DNER: variants seen among roughly 807,000 people sequenced by gnomAD.
The protein encoded by DNER is delta/notch like EGF repeat containing, also known as delta and Notch-like epidermal growth factor-related receptor.
A neutral mutation model predicts 78.2 loss-of-function variants in DNER; 33 were observed. The observed-to-expected ratio is 0.42, with a 90% CI of 0.32 to 0.56. The LOEUF is 0.56. Ranked by LOEUF, DNER falls within the 20% of genes least tolerant of loss-of-function variation. The pLI is 0.11. For synonymous variants in DNER, 417 were observed against 384.8 expected (o/e 1.08, Z -0.98); for missense variants, 918 against 975.3 (o/e 0.94, Z 0.78).
chr2:229,544,187 C>A (rs1217508777), intron 5 of DNER, among the ~76,000 whole-genome samples: 1 of 152,084 alleles, frequency 6.6e-6, no homozygotes, highest in Non-Finnish European at 1.5e-5. Flanking sequence ...ATTTTTTTCC[C>A]ATAAAGTATG....
At position 229,699,508 on chromosome 2, in the gene DNER, C is replaced by G. The variant is rs28545672; in HGVS notation, c.276+14640G>C. The stretch of plus-strand genomic sequence containing the variant: ...AGCCTCCCAAGTAGCTGGGACTATA[C>G]GCATGCACTGCCATACCGGCTAATT... On this transcript the variant is annotated intron_variant, in intron 1 of 12. Transcript: ENST00000341772. Among the ~76,000 whole-genome samples the G allele has an allele frequency of 8.0e-3, 1,211 of 152,058 alleles. 18 individuals carry two copies. Among genetic ancestry groups the G allele is most frequent in the African/African-American group, 0.028 (1,145 of 41,488 alleles).
chr2:229,561,113 G>T (rs560399517), intron 4 of DNER, among the ~76,000 whole-genome samples: 1 of 152,220 alleles, frequency 6.6e-6, no homozygotes, highest in African/African-American at 2.4e-5. Flanking sequence ...TTGCTTTTTG[G>T]AAAATTCACC....
chr2:229,450,283 T>C (rs1167946244), intron 7 of DNER, among the ~76,000 whole-genome samples: 2 of 152,090 alleles, frequency 1.3e-5, no homozygotes, highest in Admixed American at 6.6e-5. Context: ...GGAAAGAATA[T>C]CTAGGGAGGG....
intron 6 of DNER, among the ~76,000 whole-genome samples, chr2:229,510,469 G>A (rs922491338): frequency 6.6e-6 from 1 of 152,190 alleles, no homozygotes; most frequent in Non-Finnish European, 1.5e-5. Flanking sequence ...ACAGGCAAGG[G>A]GCAAAGGCCA....
intron 8 of DNER, among the ~76,000 whole-genome samples, chr2:229,444,541 A>C (rs1040367825): frequency 3.9e-5 from 6 of 152,226 alleles, no homozygotes; most frequent in Non-Finnish European, 8.8e-5. Context: ...ATTAAAAAAC[A>C]CTATTTATCT....
At position 229,630,613 on chromosome 2, in the gene DNER, T is replaced by C. The variant is rs548232781; in HGVS notation, c.277-38725A>G. On this transcript the variant is annotated intron_variant, in intron 1 of 12. Coordinates refer to ENST00000341772, the MANE Select transcript of DNER (RefSeq NM_139072.4). The stretch of plus-strand genomic sequence containing the variant: ...TATATATTTGGACAGAGGCTTTTTA[T>C]TGACAGCATCTCATTTTCTTTTTTA... Among the ~76,000 whole-genome samples, 8 of 152,166 alleles carry C rather than the reference T, an allele frequency of 5.3e-5. No homozygotes were observed. In the South Asian group the frequency reaches 1.7e-3, roughly 32 times the overall value.
intron 5 of DNER, among the ~76,000 whole-genome samples, chr2:229,518,571 G>T (rs958214982): frequency 1.6e-4 from 25 of 152,314 alleles, no homozygotes; most frequent in African/African-American, 5.5e-4. Flanking sequence ...TTGAAGAATT[G>T]CACATAGGTG....
intron 5 of DNER, among the ~76,000 whole-genome samples, chr2:229,516,785 TAA>T (rs796603043): frequency 4.8e-5 from 4 of 83,868 alleles, no homozygotes; most frequent in Non-Finnish European, 8.5e-5. Flanking sequence ...ACGCTGTCTC[TAA>T]AAAAAAAAAA....
intron 1 of DNER, among the ~76,000 whole-genome samples, chr2:229,681,150 C>A (rs1699381433): frequency 6.6e-6 from 1 of 152,156 alleles, no homozygotes; most frequent in Non-Finnish European, 1.5e-5. Context: ...ATGGCCAATA[C>A]CAACATGATA....
chr2:229,625,039 AT>A (rs1302595995), intron 1 of DNER, among the ~76,000 whole-genome samples: 1 of 152,054 alleles, frequency 6.6e-6, no homozygotes, highest in African/African-American at 2.4e-5. Flanking sequence ...ATTTCATTTT[AT>A]TATTTTGTTT....
At chr2:229,541,582 A>G (rs1045609741) in intron 5 of DNER, among the ~76,000 whole-genome samples, 1 of 152,162 alleles carries the variant, frequency 6.6e-6, no homozygotes, top group African/African-American at 2.4e-5. Flanking sequence ...AAAAAATTGT[A>G]TCCTCCAGCA....
chr2:229,541,552 T>G (rs1293280428), intron 5 of DNER, among the ~76,000 whole-genome samples: 2 of 152,170 alleles, frequency 1.3e-5, no homozygotes, highest in African/African-American at 4.8e-5. Flanking sequence ...GGTCTGATTA[T>G]TCACTCATAC....
intron 10 of DNER, 27 bp from the exon 11 acceptor site, chr2:229,388,423 G>A (rs1166977109): frequency 1.3e-6 from 2 of 1,592,994 alleles, no homozygotes; most frequent in East Asian, 2.3e-5. Flanking sequence ...AAGCAGTGGT[G>A]AAACCGCTGC....
chr2:229,397,865 C>A (rs2106340249), intron 10 of DNER, among the ~76,000 whole-genome samples: 1 of 152,048 alleles, frequency 6.6e-6, no homozygotes, highest in South Asian at 2.1e-4. Context: ...TGAGATACAG[C>A]CAAAGCAGTA....
At chr2:229,638,833 A>G (rs1181159643) in intron 1 of DNER, among the ~76,000 whole-genome samples, 2 of 152,262 alleles carry the variant, frequency 1.3e-5, no homozygotes, top group East Asian at 1.9e-4. Flanking sequence ...ACAAAACTAT[A>G]TCGGTAAAAC....
chr2:229,477,029 A>T, intron 7 of DNER, 111 bp downstream of exon 7: 1 of 811,506 alleles, frequency 1.2e-6, no homozygotes. Context: ...ATCAAACAAA[A>T]CAGGAAGTTC....
At chr2:229,520,869 T>C (rs1293175278) in intron 5 of DNER, among the ~76,000 whole-genome samples, 1 of 152,200 alleles carries the variant, frequency 6.6e-6, no homozygotes, top group East Asian at 1.9e-4. Context: ...AACTAACATG[T>C]TTTCTCCTTG....
intron 7 of DNER, among the ~76,000 whole-genome samples, chr2:229,464,835 A>G (rs531403389): frequency 4.6e-5 from 7 of 152,216 alleles, no homozygotes; most frequent in African/African-American, 1.7e-4. Flanking sequence ...CCCTATGAAG[A>G]AGGGTACAGG....
At chr2:229,403,235 C>A (rs1351215744) in intron 10 of DNER, among the ~76,000 whole-genome samples, 2 of 152,110 alleles carry the variant, frequency 1.3e-5, no homozygotes, top group Admixed American at 6.5e-5. Context: ...GGTAGCTCAA[C>A]CTCAAGAGCA....
Sources: gnomAD v4.1 joint callset for allele counts (sites outside exome capture counted in the v4.1 genomes callset) on GRCh38, gnomAD v4.1.1 for gene constraint, MANE v1.5 for transcripts, NCBI Gene and HGNC (gene_info 2026-07-23, HGNC 2026-07-21) for gene names.